MNAT1: variants seen among roughly 807,000 people sequenced by gnomAD.
The protein encoded by MNAT1 is CDK-activating kinase assembly factor MAT1.
MNAT1 carries 43 observed loss-of-function variants against 42.0 expected under a neutral mutation model. The observed-to-expected ratio is 1.02, with a 90% CI of 0.80 to 1.32. The LOEUF (loss-of-function observed/expected upper bound fraction) is 1.32. Among genes scored for constraint, MNAT1 ranks in the 40% most tolerant of loss-of-function variants. The pLI is 0.00. For synonymous variants in MNAT1, 118 were observed against 120.0 expected (o/e 0.98, Z 0.11); for missense variants, 306 against 350.4 (o/e 0.87, Z 1.01).
At chr14:60,854,230 G>T (rs1035287571) in intron 6 of MNAT1, among the ~76,000 whole-genome samples, 1 of 152,040 alleles carries the variant, frequency 6.6e-6, no homozygotes, top group African/African-American at 2.4e-5. Context: ...TAACTTTCTT[G>T]CATTGAGTTA....
chr14:60,873,846 G>A (rs2034380649), intron 6 of MNAT1, among the ~76,000 whole-genome samples: 1 of 152,060 alleles, frequency 6.6e-6, no homozygotes, highest in Non-Finnish European at 1.5e-5. Flanking sequence ...CTTTAAACAT[G>A]ATTTTAAATG....
intron 6 of MNAT1, among the ~76,000 whole-genome samples, chr14:60,866,307 C>CTTTTT (rs58874872): frequency 1.1e-5 from 1 of 94,408 alleles, no homozygotes; most frequent in South Asian, 3.4e-4. Context: ...TTATTTTGAC[C>CTTTTT]TTTTTTTTTT....
chr14:60,862,301 T>A, intron 6 of MNAT1, among the ~76,000 whole-genome samples: 1 of 152,210 alleles, frequency 6.6e-6, no homozygotes, highest in East Asian at 1.9e-4. Flanking sequence ...TTTTTCCTAA[T>A]GTAAAATAAA....
In MNAT1 at chr14:60,796,519, T is replaced by A. The variant is rs143844504; in HGVS notation, c.242+150T>A. ...GTTCTTAGAGAACTGAGTAATATTA[T>A]TTATCTTTGTTAAAGAAGAGCCTCT... On this transcript the variant is annotated intron_variant, in intron 2 of 7. Coordinates refer to ENST00000261245, the MANE Select transcript of MNAT1 (RefSeq NM_002431.4). 911 of 689,432 alleles carry A rather than the reference T, an allele frequency of 1.3e-3. 7 individuals carry two copies. In the East Asian group the frequency reaches 0.02, roughly 15 times the overall value. 42.7% of individuals were successfully genotyped at this position (689,432 alleles called of 1,614,324 possible).
At chr14:60,869,040 A>ATATATATATATTTTTTTTTT (rs1465360826) in intron 6 of MNAT1, among the ~76,000 whole-genome samples, 1 of 113,026 alleles carries the variant, frequency 8.8e-6, no homozygotes, top group African/African-American at 3.4e-5. Context: ...ATATATATAT[A>ATATATATATATTTTTTTTTT]TTTTTTTTTT....
At chr14:60,785,594 A>T (rs942992560) in intron 1 of MNAT1, among the ~76,000 whole-genome samples, 1 of 152,182 alleles carries the variant, frequency 6.6e-6, no homozygotes, top group African/African-American at 2.4e-5. Flanking sequence ...ATAGCCCCAC[A>T]TTCTCTGTAT....
At chr14:60,934,480 T>C (rs1484750111) in intron 7 of MNAT1, among the ~76,000 whole-genome samples, 1 of 152,096 alleles carries the variant, frequency 6.6e-6, no homozygotes, top group Non-Finnish European at 1.5e-5. Context: ...GGTAATTGAA[T>C]CAAGGGGGCG....
chr14:60,931,010 C>G (rs1326924341), intron 7 of MNAT1, among the ~76,000 whole-genome samples: 1 of 152,050 alleles, frequency 6.6e-6, no homozygotes, highest in South Asian at 2.1e-4. Flanking sequence ...AGAAAAAATA[C>G]TTCTGAAGGC....
At chr14:60,909,641 T>C (rs1189609108) in intron 7 of MNAT1, among the ~76,000 whole-genome samples, 290 of 152,132 alleles carry the variant, frequency 1.9e-3, no homozygotes, top group African/African-American at 6.4e-3. Context: ...TGTAGATATG[T>C]GGCATTATTT....
intron 7 of MNAT1, among the ~76,000 whole-genome samples, chr14:60,957,117 G>C (rs574925380): frequency 3.7e-4 from 57 of 152,062 alleles, no homozygotes; most frequent in Non-Finnish European, 5.9e-4. Context: ...ATTTTCTGTA[G>C]TGGCATGTTT....
At chr14:60,854,703 C>T (rs2033911576) in intron 6 of MNAT1, among the ~76,000 whole-genome samples, 1 of 152,200 alleles carries the variant, frequency 6.6e-6, no homozygotes, top group Non-Finnish European at 1.5e-5. Context: ...CGACCTGATG[C>T]CAGCCTGAGC....
At chr14:60,856,683 CTTT>C (rs112853589) in intron 6 of MNAT1, among the ~76,000 whole-genome samples, 2 of 135,238 alleles carry the variant, frequency 1.5e-5, no homozygotes, top group Non-Finnish European at 1.6e-5. Context: ...TGCTCATTCG[CTTT>C]TTTTTTTTTT....
rs3081651 is a variant in MNAT1, at chr14:60,904,976, C to CTTTTT, written c.809+25154_809+25158dup. Reference sequence around the variant, plus strand: ...AAAACAATAGATTGTTCAGCAGTTCCTTTTTTTTTTTTTTTTTGGACGGAG... The same window carrying CTTTTT: ...AAAACAATAGATTGTTCAGCAGTTCCTTTTTTTTTTTTTTTTTTTTTTGGACGGAG... On this transcript the variant is annotated intron_variant, in intron 7 of 7. Transcript: ENST00000261245. 6.7e-3 allele frequency among the ~76,000 whole-genome samples: 528 copies of CTTTTT among 78,990 alleles called. 46 individuals carry two copies. The highest frequency in any genetic ancestry group is 0.022 in the African/African-American group (492 of 22,450). The allele number at this position is 78,990 out of a possible 152,430, so 51.8% of individuals were successfully genotyped here. A position where few individuals can be genotyped will look rare whatever the true frequency, so the allele number is the denominator to read the frequency against.
chr14:60,961,738 C>T (rs2036596636), intron 7 of MNAT1, among the ~76,000 whole-genome samples: 1 of 152,112 alleles, frequency 6.6e-6, no homozygotes, highest in Admixed American at 6.5e-5. Flanking sequence ...AGTAGGCTCT[C>T]AGTAATTTTT....
At chr14:60,780,550 C>T (rs973812763) in intron 1 of MNAT1, 1 of 1,535,292 alleles carries the variant, frequency 6.5e-7, no homozygotes, top group Non-Finnish European at 9.0e-7. Context: ...CTACAATCCA[C>T]AAAGTAAATA....
At chr14:60,860,819 A>G (rs186233517) in intron 6 of MNAT1, among the ~76,000 whole-genome samples, 1 of 152,300 alleles carries the variant, frequency 6.6e-6, no homozygotes, top group Admixed American at 6.5e-5. Flanking sequence ...GAGAAGATAT[A>G]TAGATGGGAA....
intron 1 of MNAT1, among the ~76,000 whole-genome samples, chr14:60,794,698 A>C (rs1166447611): frequency 6.8e-6 from 1 of 146,580 alleles, no homozygotes; most frequent in Non-Finnish European, 1.5e-5. Context: ...ATATATATAC[A>C]TATGTGTGTA....
chr14:60,786,016 G>T (rs2031639028), intron 1 of MNAT1, among the ~76,000 whole-genome samples: 1 of 151,850 alleles, frequency 6.6e-6, no homozygotes, highest in Non-Finnish European at 1.5e-5. Context: ...AACTGTTGTG[G>T]ATATGAAGAG....
intron 6 of MNAT1, among the ~76,000 whole-genome samples, chr14:60,848,800 G>A (rs1177643995): frequency 1.3e-5 from 2 of 152,080 alleles, no homozygotes; most frequent in Admixed American, 1.3e-4. Context: ...TTAATAAGAT[G>A]TTTTCCTTTT....
Sources: gnomAD v4.1 joint callset for allele counts (sites outside exome capture counted in the v4.1 genomes callset) on GRCh38, gnomAD v4.1.1 for gene constraint, MANE v1.5 for transcripts, NCBI Gene and HGNC (gene_info 2026-07-23, HGNC 2026-07-21) for gene names.